PDPK1: variants seen among roughly 807,000 people sequenced by gnomAD.
The protein encoded by PDPK1 is 3-phosphoinositide-dependent protein kinase 1.
PDPK1 carries 7 observed loss-of-function variants against 39.8 expected under a neutral mutation model. The observed-to-expected ratio is 0.18, with a 90% confidence interval of 0.10 to 0.33. The LOEUF (loss-of-function observed/expected upper bound fraction) is 0.33, where lower values mean the gene tolerates loss of function less well. Among genes scored for constraint, PDPK1 ranks in the 10% least tolerant of loss-of-function variants. PDPK1 has a pLI of 1.00. For synonymous variants in PDPK1, 118 were observed against 159.1 expected, an observed-to-expected ratio of 0.74 and a Z score of 1.95; for missense variants, 182 against 384.7, an observed-to-expected ratio of 0.47 and a Z score of 4.41.
intron 1 of PDPK1, among the ~76,000 whole-genome samples, chr16:2,547,153 G>T (rs1285394301): frequency 6.7e-6 from 1 of 150,014 alleles, no homozygotes; most frequent in Non-Finnish European, 1.5e-5. Flanking sequence ...CAGACCCTGG[G>T]GAGGCAGGTT....
chr16:2,597,969 A>G lies in PDPK1; in HGVS notation c.*202A>G, dbSNP rs1934956318. ...AGAACAAAACCAGTAACAAACACAA[A>G]GGAATTCAGGGTCGCTTTGCTTGCT... On this transcript the variant is annotated 3_prime_UTR_variant, in exon 14 of 14. Transcript: ENST00000342085. This position sits in a 1 kb window ranked among gnomAD's most constrained non-coding sequence, Gnocchi z 6.3. 3.5e-6 allele frequency: 2 copies of G among 576,666 alleles called. No individual in the cohort carries two copies. The highest frequency in any genetic ancestry group is 4.3e-5 in the South Asian group (2 of 46,062). The allele number at this position is 576,666 out of a possible 1,614,324, so 35.7% of individuals were successfully genotyped here.
At chr16:2,538,881 C>T (rs1330633280) in intron 1 of PDPK1, 19 of 725,632 alleles carry the variant, frequency 2.6e-5, no homozygotes, top group South Asian at 3.6e-5. Context: ...TAAAAGTATC[C>T]CTCGTGTTTT....
rs1228604901 is a variant in PDPK1, at chr16:2,603,075, G to A, written c.*5308G>A. The A allele has an allele frequency of 4.4e-5, 10 of 227,502 alleles. No homozygotes were observed. The highest frequency in any genetic ancestry group is 8.7e-5 in the Non-Finnish European group (10 of 114,622). 14.1% of individuals were successfully genotyped at this position (227,502 alleles called of 1,614,324 possible). A position where few individuals can be genotyped will look rare whatever the true frequency, so the allele number is the denominator to read the frequency against. On this transcript the variant is annotated 3_prime_UTR_variant, in exon 14 of 14. Coordinates refer to ENST00000342085, the MANE Select transcript of PDPK1 (RefSeq NM_002613.5). ...CAGTGATTTAATCATATAATTTAAT[G>A]AATCTGTTTATCCTTTTTTTTTTTC...
chr16:2,569,625 T>C (rs1397028580), intron 6 of PDPK1, among the ~76,000 whole-genome samples: 3 of 148,066 alleles, frequency 2.0e-5, no homozygotes, highest in African/African-American at 7.3e-5. Context: ...GTGGTTCTTT[T>C]CCCCTTGTTT....
At position 2,600,388 on chromosome 16, in the gene PDPK1, C is replaced by G. The variant is rs545819504; in HGVS notation, c.*2621C>G. ...AGCGGAGGGAGGCTGTGGTCGCTGC[C>G]GGCCTAGGTGTCCCAGGTGCCCCGC... On this transcript the variant is annotated 3_prime_UTR_variant, in exon 14 of 14. Transcript: ENST00000342085. The G allele has an allele frequency of 5.2e-5, 12 of 232,664 alleles. No homozygotes were observed. In the Admixed American group the frequency reaches 6.8e-4, roughly 13 times the overall value. The allele number at this position is 232,664 out of a possible 1,614,324, so 14.4% of individuals were successfully genotyped here. A position where few individuals can be genotyped will look rare whatever the true frequency, so the allele number is the denominator to read the frequency against.
Position 2,600,054 on chromosome 16 carries a change from C to G in PDPK1, c.*2287C>G. On this transcript the variant is annotated 3_prime_UTR_variant, in exon 14 of 14. Transcript: ENST00000342085. Reference sequence around the variant, plus strand: ...GGGTCACCTTTCTCCTCACCCAGCCCCTTGCTCTTCCCTTTTGAAAGGCCC... The same window carrying G: ...GGGTCACCTTTCTCCTCACCCAGCCGCTTGCTCTTCCCTTTTGAAAGGCCC... 1 of 226,998 alleles carries G rather than the reference C, an allele frequency of 4.4e-6. No homozygotes were observed. Among genetic ancestry groups the G allele is most frequent in the Non-Finnish European group, 8.5e-6 (1 of 117,258 alleles). The allele number at this position is 226,998 out of a possible 1,614,324, so 14.1% of individuals were successfully genotyped here. A position where few individuals can be genotyped will look rare whatever the true frequency, so the allele number is the denominator to read the frequency against.
chr16:2,594,353 G>A (rs2067055919), intron 11 of PDPK1: 1 of 151,834 alleles, frequency 6.6e-6, no homozygotes, highest in Admixed American at 6.6e-5. Flanking sequence ...GACCATCCTG[G>A]CTAACATAGT....
chr16:2,591,458 C>T (rs562701389), intron 11 of PDPK1, among the ~76,000 whole-genome samples: 1 of 152,314 alleles, frequency 6.6e-6, no homozygotes, highest in East Asian at 1.9e-4. Flanking sequence ...TTTCACATTG[C>T]AACCGAGCTT....
intron 11 of PDPK1, 36 bp from the exon 12 acceptor site, chr16:2,595,757 G>A (rs537325699): frequency 1.3e-6 from 2 of 1,541,946 alleles, no homozygotes; most frequent in Non-Finnish European, 9.0e-7. Context: ...GTTTGTGATT[G>A]TCATGGGAGC....
At position 2,597,403 on chromosome 16, in the gene PDPK1, A is replaced by G. The variant is rs2067125411; in HGVS notation, c.1554+128A>G. 1 of 862,148 alleles carries G rather than the reference A, an allele frequency of 1.2e-6. No individual in the cohort carries two copies. The highest frequency in any genetic ancestry group is 1.8e-6 in the Non-Finnish European group (1 of 544,848). The allele number at this position is 862,148 out of a possible 1,614,324, so 53.4% of individuals were successfully genotyped here. A position where few individuals can be genotyped will look rare whatever the true frequency, so the allele number is the denominator to read the frequency against. ...GGGCAGCTGCCTCGCCCTTTCCGAC[A>G]TCCCAGACGCCCACACTAGTGGCTC... On this transcript the variant is annotated intron_variant, in intron 13 of 13. Coordinates refer to ENST00000342085, the MANE Select transcript of PDPK1 (RefSeq NM_002613.5). This position sits in a 1 kb window ranked among gnomAD's most constrained non-coding sequence, Gnocchi z 6.3.
chr16:2,595,733 CG>C (rs1469905378), intron 11 of PDPK1, 59 bp from the exon 12 acceptor site: 40 of 1,311,434 alleles, frequency 3.1e-5, no homozygotes, highest in Non-Finnish European at 4.0e-5. Context: ...GCAGGAGGAG[CG>C]TGGAGAATTT....
At position 2,538,086 on chromosome 16, in the gene PDPK1, G is replaced by C; in HGVS notation, c.-27G>C. 9.6e-7 allele frequency: 1 copy of C among 1,045,742 alleles called. No individual in the cohort carries two copies. Among genetic ancestry groups the C allele is most frequent in the South Asian group, 4.4e-5 (1 of 22,568 alleles). 64.8% of individuals were successfully genotyped at this position (1,045,742 alleles called of 1,614,324 possible). A position where few individuals can be genotyped will look rare whatever the true frequency, so the allele number is the denominator to read the frequency against. ...GCGCCGAGCCGCGCAGCGCTGCGGG[G>C]GAGGCGCCCGCGCCGACGCGGGGCC... On this transcript the variant is annotated 5_prime_UTR_variant, in exon 1 of 14. Coordinates refer to ENST00000342085, the MANE Select transcript of PDPK1 (RefSeq NM_002613.5).
intron 1 of PDPK1, among the ~76,000 whole-genome samples, chr16:2,544,317 A>G (rs199942526): frequency 6.6e-6 from 1 of 152,300 alleles, no homozygotes; most frequent in East Asian, 1.9e-4. Flanking sequence ...CAGAAATATT[A>G]GCAGTGGTTT....
At chr16:2,550,580 G>A (rs1443753575) in intron 1 of PDPK1, 1 of 28,084 alleles carries the variant, frequency 3.6e-5, no homozygotes, top group African/African-American at 2.8e-4. Flanking sequence ...AATATACAAC[G>A]TTAATGTTGA....
intron 2 of PDPK1, among the ~76,000 whole-genome samples, chr16:2,560,290 C>G (rs998850543): frequency 6.6e-6 from 1 of 151,994 alleles, no homozygotes; most frequent in Admixed American, 6.6e-5. Flanking sequence ...AGCACGTGCT[C>G]TTGTGGAGAA....
chr16:2,599,653 T>C lies in PDPK1; in HGVS notation c.*1886T>C, dbSNP rs2142015495. On this transcript the variant is annotated 3_prime_UTR_variant, in exon 14 of 14. Coordinates refer to ENST00000342085, the MANE Select transcript of PDPK1 (RefSeq NM_002613.5). ...TCCTCCTCCTGGCTTTTGGAAAGGCTTGGCTGTGTTGGGGAGTCTCTCTTA... is the reference window on the plus strand; with the variant it reads ...TCCTCCTCCTGGCTTTTGGAAAGGCCTGGCTGTGTTGGGGAGTCTCTCTTA... The C allele has an allele frequency of 4.3e-6, 1 of 233,160 alleles. No individual in the cohort carries two copies. The highest frequency in any genetic ancestry group is 1.8e-4 in the South Asian group (1 of 5,520). The allele number at this position is 233,160 out of a possible 1,614,324, so 14.4% of individuals were successfully genotyped here.
intron 1 of PDPK1, among the ~76,000 whole-genome samples, chr16:2,543,973 G>T (rs1317475271): frequency 1.3e-5 from 2 of 150,306 alleles, no homozygotes; most frequent in Admixed American, 1.3e-4. Context: ...GACCTCAGGT[G>T]ATCCGCCCAC....
intron 11 of PDPK1, 32 bp from the exon 12 acceptor site, chr16:2,595,761 T>C (rs765431759): frequency 4.5e-6 from 7 of 1,555,044 alleles, no homozygotes; most frequent in Middle Eastern, 1.7e-4. Flanking sequence ...GTGATTGTCA[T>C]GGGAGCATCT....
rs1197116890 is a variant in PDPK1 at position 2,601,638 on chromosome 16, C to G, written c.*3871C>G. 4.3e-6 allele frequency: 1 copy of G among 233,312 alleles called. No individual in the cohort carries two copies. Among genetic ancestry groups the G allele is most frequent in the Non-Finnish European group, 8.5e-6 (1 of 117,248 alleles). 14.5% of individuals were successfully genotyped at this position (233,312 alleles called of 1,614,324 possible). A position where few individuals can be genotyped will look rare whatever the true frequency, so the allele number is the denominator to read the frequency against. On this transcript the variant is annotated 3_prime_UTR_variant, in exon 14 of 14. Transcript: ENST00000342085. The stretch of plus-strand genomic sequence containing the variant: ...TGGAATCAGTAGCAGAGCAAAGCCT[C>G]TTTGAAAAAAACCACGTAGCTGATT...
Sources: gnomAD v4.1 joint callset for allele counts (sites outside exome capture counted in the v4.1 genomes callset) on GRCh38, gnomAD v4.1.1 for gene constraint, Gnocchi (gnomAD v3.1) non-coding constraint, MANE v1.5 for transcripts, NCBI Gene and HGNC (gene_info 2026-07-23, HGNC 2026-07-21) for gene names.